The following PCTP variants were observed in gnomAD, a reference collection of about 807,000 sequenced individuals.
PCTP encodes the protein START domain-containing protein 2.
Under a neutral mutation model 31.0 loss-of-function variants are expected in PCTP, and 27 were observed. The observed-to-expected ratio is 0.87, with a 90% CI of 0.64 to 1.20. The LOEUF (loss-of-function observed/expected upper bound fraction) is 1.20, where lower values mean the gene tolerates loss of function less well. PCTP is among the 50% of genes most tolerant of loss of function. The pLI is 0.00. For missense variants in PCTP, 287 were observed against 268.2 expected (o/e 1.07, Z -0.49); for synonymous variants, 108 against 101.2 (o/e 1.07, Z -0.40).
chr17:55,762,488 G>A (rs1053369310), intron 1 of PCTP, among the ~76,000 whole-genome samples: 2 of 151,732 alleles, frequency 1.3e-5, no homozygotes, highest in African/African-American at 2.4e-5. Flanking sequence ...AGGATGACAG[G>A]GTTCAAATAA....
chr17:55,822,362 G>T (rs1372166195), intron 3 of PCTP, among the ~76,000 whole-genome samples: 1 of 152,144 alleles, frequency 6.6e-6, no homozygotes, highest in Non-Finnish European at 1.5e-5. Flanking sequence ...ACTGAGTTTG[G>T]CAGAATCAGT....
At chr17:55,775,709 G>A in intron 5 of PCTP, 1 of 1,215,838 alleles carries the variant, frequency 8.2e-7, no homozygotes. Context: ...TCATTTCTTT[G>A]GAAGAATGTA....
chr17:55,753,330 A>G (rs1212408726), intron 1 of PCTP, among the ~76,000 whole-genome samples: 5 of 152,196 alleles, frequency 3.3e-5, no homozygotes, highest in African/African-American at 1.2e-4. Context: ...TCTTATCACT[A>G]CCTTTTCAGT....
chr17:55,808,020 G>A (rs1013343083), intron 3 of PCTP, among the ~76,000 whole-genome samples: 6 of 152,080 alleles, frequency 3.9e-5, no homozygotes, highest in Admixed American at 1.3e-4. Context: ...AATGATGGTG[G>A]TGACTACAAT....
intron 3 of PCTP, among the ~76,000 whole-genome samples, chr17:55,789,883 A>G (rs1211366966): frequency 6.6e-6 from 1 of 152,114 alleles, no homozygotes; most frequent in African/African-American, 2.4e-5. Context: ...TCCTTGATGA[A>G]CATTGATGCA....
At chr17:55,834,284 C>T (rs778212430) in intron 5 of PCTP, among the ~76,000 whole-genome samples, 4 of 152,216 alleles carry the variant, frequency 2.6e-5, no homozygotes, top group Admixed American at 1.3e-4. Flanking sequence ...ATTTGCTGCA[C>T]CTATCAACTC....
downstream of PCTP, among the ~76,000 whole-genome samples, chr17:55,845,426 G>C (rs1023084882): frequency 6.6e-6 from 1 of 152,156 alleles, no homozygotes; most frequent in Admixed American, 6.5e-5. Flanking sequence ...GTTCCCCGCG[G>C]GCTCCCAGGA....
downstream of PCTP, among the ~76,000 whole-genome samples, chr17:55,845,619 C>T (rs541867627): frequency 7.9e-5 from 12 of 152,224 alleles, no homozygotes; most frequent in Admixed American, 1.3e-4. Context: ...CCCACCCCGC[C>T]GTGGGAGGTT....
At chr17:55,801,186 C>G (rs137976798) in intron 3 of PCTP, among the ~76,000 whole-genome samples, 8,921 of 152,132 alleles carry the variant, frequency 0.059, 259 homozygotes, top group Admixed American at 0.066. Flanking sequence ...TATATGCACC[C>G]AATACAGGAG....
At chr17:55,784,544 TCTC>T (rs1205876233) in intron 2 of PCTP, among the ~76,000 whole-genome samples, 1 of 152,108 alleles carries the variant, frequency 6.6e-6, no homozygotes, top group African/African-American at 2.4e-5. Flanking sequence ...TTTCAAATAA[TCTC>T]CTTATAGATC....
downstream of PCTP, among the ~76,000 whole-genome samples, chr17:55,779,557 G>A (rs543027845): frequency 6.6e-6 from 1 of 152,328 alleles, no homozygotes; most frequent in Admixed American, 6.5e-5. Context: ...AAGTAGACAA[G>A]CCATGTAGGG....
Position 55,835,645 on chromosome 17 carries a change from A to T in PCTP, n.506-7082A>T, listed in dbSNP as rs561417428. Among the ~76,000 whole-genome samples, 217 of 152,240 alleles carry T rather than the reference A, an allele frequency of 1.4e-3. 1 individual carries two copies. Among genetic ancestry groups the T allele is most frequent in the African/African-American group, 5.2e-3 (214 of 41,542 alleles). On this transcript the variant is annotated intron_variant and non_coding_transcript_variant, in intron 5 of 5. Coordinates refer to the PCTP transcript ENST00000576221. ...ACTTCAAGAAGAGTTGGTGATAAAAACTCAGACATTGTCGCTAAGACAATG... is the reference window on the plus strand; with the variant it reads ...ACTTCAAGAAGAGTTGGTGATAAAATCTCAGACATTGTCGCTAAGACAATG...
In PCTP at chr17:55,806,415, G is replaced by T. The variant is rs535455115; in HGVS notation, c.318-16346G>T. On this transcript the variant is annotated intron_variant, in intron 3 of 3. Transcript: ENST00000572536. ...ATGTGGTAGAAGTATTTATATCAGA[G>T]AAATTGGCAAATGGTACAAAACAAG... Among the ~76,000 whole-genome samples the T allele has an allele frequency of 2.0e-5, 3 of 152,230 alleles. No individual in the cohort carries two copies. The South Asian group carries it at 6.2e-4, about 32-fold the overall frequency.
intron 3 of PCTP, among the ~76,000 whole-genome samples, chr17:55,803,692 C>T (rs956712715): frequency 1.3e-5 from 2 of 151,980 alleles, no homozygotes; most frequent in African/African-American, 2.4e-5. Context: ...TTCCTTATAC[C>T]GTATACAAAA....
At chr17:55,828,979 A>G (rs1478003215) in intron 5 of PCTP, among the ~76,000 whole-genome samples, 1 of 152,180 alleles carries the variant, frequency 6.6e-6, no homozygotes, top group Admixed American at 6.5e-5. Flanking sequence ...GAAGAGATGC[A>G]GAAGGAGAAA....
intron 3 of PCTP, among the ~76,000 whole-genome samples, chr17:55,795,069 C>T (rs888301208): frequency 6.6e-6 from 1 of 152,076 alleles, no homozygotes; most frequent in South Asian, 2.1e-4. Context: ...CACTAACCCT[C>T]CTCTTTTCAC....
At position 55,751,375 on chromosome 17, in the gene PCTP, C is replaced by T. The variant is rs568337605; in HGVS notation, c.141+131C>T. On this transcript the variant is annotated intron_variant, in intron 1 of 5. Transcript: ENST00000268896. ...TCTCCGGCTCAGGAAGGAGCTCCGCCCGGACCCTGTCTCAAGCTCTGGAGC... is the reference window on the plus strand; with the variant it reads ...TCTCCGGCTCAGGAAGGAGCTCCGCTCGGACCCTGTCTCAAGCTCTGGAGC... 13 of 1,532,056 alleles carry T rather than the reference C, an allele frequency of 8.5e-6. No homozygotes were observed. The African/African-American group carries it at 1.6e-4, about 19-fold the overall frequency. The allele number at this position is 1,532,056 out of a possible 1,614,324, so 94.9% of individuals were successfully genotyped here.
downstream of PCTP, among the ~76,000 whole-genome samples, chr17:55,778,386 C>G (rs12940848): frequency 6.6e-6 from 1 of 152,010 alleles, no homozygotes; most frequent in Non-Finnish European, 1.5e-5. Flanking sequence ...TCTGTGTTTC[C>G]AAGTAGACAA....
chr17:55,817,249 G>A (rs1188606613), intron 3 of PCTP, among the ~76,000 whole-genome samples: 1 of 152,174 alleles, frequency 6.6e-6, no homozygotes, highest in Non-Finnish European at 1.5e-5. Flanking sequence ...GTCTTTTGGG[G>A]GTTGTTGGGT....
Sources: allele counts gnomAD v4.1 joint callset (sites outside exome capture counted in the v4.1 genomes callset), GRCh38; gene constraint gnomAD v4.1.1; transcripts MANE v1.5; gene names NCBI Gene and HGNC (gene_info 2026-07-23, HGNC 2026-07-21).